ATXN8OS: variants seen among roughly 807,000 people sequenced by gnomAD.
ATXN8OS encodes ATXN8 opposite strand lncRNA.
intron 1 of ATXN8OS, among the ~76,000 whole-genome samples, chr13:70,112,307 CA>C (rs1480981561): frequency 8.6e-5 from 13 of 152,032 alleles, no homozygotes; most frequent in Admixed American, 3.3e-4. Context: ...CAAACCATAT[CA>C]TACATTAATA....
intron 2 of ATXN8OS, among the ~76,000 whole-genome samples, chr13:70,119,494 T>A (rs2137474010): frequency 6.6e-6 from 1 of 152,316 alleles, no homozygotes. Context: ...AGAGTAAAGC[T>A]GTTATTACAG....
intron 4 of ATXN8OS, among the ~76,000 whole-genome samples, chr13:70,151,333 A>G (rs75270021): frequency 0.012 from 1,895 of 152,174 alleles, 24 homozygotes; most frequent in South Asian, 0.019. Flanking sequence ...CTGACATTCT[A>G]TTATCTGCTT....
In ATXN8OS at chr13:70,121,037, G is replaced by T. The variant is rs576959186; in HGVS notation, n.398+5739G>T. Among the ~76,000 whole-genome samples the T allele has an allele frequency of 9.2e-5, 14 of 151,740 alleles. No individual in the cohort carries two copies. The East Asian group carries it at 2.7e-3, about 29-fold the overall frequency. On this transcript the variant is annotated intron_variant and non_coding_transcript_variant, in intron 2 of 4. Transcript: ENST00000678624. ...GTATACATATGTAACTAACCTGCAC[G>T]TTGTGCACATGTAACCTAAAACTTA...
chr13:70,118,830 A>G (rs989218514), intron 2 of ATXN8OS, among the ~76,000 whole-genome samples: 15 of 82,446 alleles, frequency 1.8e-4, no homozygotes, highest in African/African-American at 7.1e-4. Flanking sequence ...TCTTACAGAT[A>G]TATACTTTTT....
intron 4 of ATXN8OS, among the ~76,000 whole-genome samples, chr13:70,149,383 T>C (rs1377369925): frequency 6.6e-6 from 1 of 152,154 alleles, no homozygotes; most frequent in East Asian, 1.9e-4. Context: ...AAATTATGTA[T>C]ATATTTTTAC....
chr13:70,137,753 G>A (rs1443668849), intron 3 of ATXN8OS, among the ~76,000 whole-genome samples: 3 of 152,086 alleles, frequency 2.0e-5, no homozygotes, highest in African/African-American at 7.2e-5. Flanking sequence ...GCAATAAAAT[G>A]TTATAAAATA....
At chr13:70,164,804 T>C (rs140386344) in intron 4 of ATXN8OS, among the ~76,000 whole-genome samples, 52 of 152,116 alleles carry the variant, frequency 3.4e-4, no homozygotes, top group Admixed American at 2.6e-4. Flanking sequence ...CCTCACTGTA[T>C]TTCTAGAAAA....
intron 4 of ATXN8OS, among the ~76,000 whole-genome samples, chr13:70,156,661 G>A (rs1888941631): frequency 6.6e-6 from 1 of 151,996 alleles, no homozygotes; most frequent in Non-Finnish European, 1.5e-5. Context: ...TTCTGAAGAA[G>A]TGACAAATTC....
intron 2 of ATXN8OS, among the ~76,000 whole-genome samples, chr13:70,118,765 C>T (rs2137473444): frequency 6.6e-6 from 1 of 151,758 alleles, no homozygotes; most frequent in Non-Finnish European, 1.5e-5. Context: ...AAAATTGGCA[C>T]TTATATTCAA....
intron 1 of ATXN8OS, among the ~76,000 whole-genome samples, chr13:70,112,427 T>C (rs953031226): frequency 1.3e-5 from 2 of 152,162 alleles, no homozygotes; most frequent in East Asian, 1.9e-4. Flanking sequence ...CCCAAAATGA[T>C]TGAAACATAA....
intron 2 of ATXN8OS, chr13:70,129,648 T>A (rs1359694620): frequency 5.1e-6 from 2 of 395,014 alleles, no homozygotes; most frequent in East Asian, 7.2e-5. Context: ...TCTAAAGGTG[T>A]TTGATGTTTA....
At chr13:70,108,076 G>T (rs1888121833) in intron 1 of ATXN8OS, 4 of 416,214 alleles carry the variant, frequency 9.6e-6, no homozygotes, top group Non-Finnish European at 1.7e-5. Context: ...GCGCTCCGAA[G>T]CTCCGGAGGC....
chr13:70,129,764 C>T (rs1456744103), intron 2 of ATXN8OS: 1 of 398,302 alleles, frequency 2.5e-6, no homozygotes, highest in Non-Finnish European at 4.4e-6. Flanking sequence ...TGAACTCTCT[C>T]TCTGCTTTAA....
intron 2 of ATXN8OS, among the ~76,000 whole-genome samples, chr13:70,127,912 C>A (rs1012428404): frequency 6.6e-6 from 1 of 151,968 alleles, no homozygotes; most frequent in African/African-American, 2.4e-5. Context: ...TAAGAGAATG[C>A]GTGATAAATG....
chr13:70,132,595 G>A (rs893203918), intron 3 of ATXN8OS, among the ~76,000 whole-genome samples: 8 of 151,920 alleles, frequency 5.3e-5, no homozygotes, highest in African/African-American at 1.7e-4. Flanking sequence ...ACTTGCACAT[G>A]TACCCCCAAA....
exon 3 of ATXN8OS, chr13:70,129,811 A>T (rs1178597103): frequency 1.0e-5 from 4 of 398,362 alleles, no homozygotes; most frequent in Non-Finnish European, 1.3e-5. Context: ...TCAATGACAA[A>T]AATCCTAGAA....
chr13:70,141,173 C>T (rs184332796), intron 3 of ATXN8OS, among the ~76,000 whole-genome samples: 2 of 152,076 alleles, frequency 1.3e-5, no homozygotes, highest in African/African-American at 4.8e-5. Context: ...AAAGTTGATC[C>T]TTCCTCAAGT....
At chr13:70,109,592 T>C (rs1208927917) in intron 1 of ATXN8OS, among the ~76,000 whole-genome samples, 2 of 152,184 alleles carry the variant, frequency 1.3e-5, no homozygotes, top group African/African-American at 2.4e-5. Flanking sequence ...TTTAGGGGAA[T>C]AAAAATCACT....
chr13:70,150,598 TC>T (rs1286243633), intron 4 of ATXN8OS, among the ~76,000 whole-genome samples: 1 of 152,024 alleles, frequency 6.6e-6, no homozygotes, highest in Non-Finnish European at 1.5e-5. Flanking sequence ...AAACAGACAT[TC>T]CTTCTCTCTA....
Sources: gnomAD v4.1 joint callset for allele counts (sites outside exome capture counted in the v4.1 genomes callset) on GRCh38, gnomAD v4.1.1 for gene constraint, MANE v1.5 for transcripts, NCBI Gene and HGNC (gene_info 2026-07-23, HGNC 2026-07-21) for gene names.